Variants in PDE10A observed in about 807,000 individuals in gnomAD.
PDE10A encodes the protein cAMP and cAMP-inhibited cGMP 3',5'-cyclic phosphodiesterase 10A.
A neutral mutation model predicts 97.7 loss-of-function variants in PDE10A; 39 were observed. That is an observed-to-expected ratio of 0.40 (90% CI 0.31 to 0.52). The LOEUF (loss-of-function observed/expected upper bound fraction) is 0.52, where lower values mean the gene tolerates loss of function less well. PDE10A is among the 20% of genes least tolerant of loss of function. The pLI is 0.56. For synonymous variants in PDE10A, 371 were observed against 376.8 expected, an observed-to-expected ratio of 0.98 and a Z score of 0.18; for missense variants, 731 against 1,047.8, an observed-to-expected ratio of 0.70 and a Z score of 4.17.
chr6:165,397,160 G>C (rs1170579769), intron 13 of PDE10A, among the ~76,000 whole-genome samples: 1 of 152,126 alleles, frequency 6.6e-6, no homozygotes, highest in African/African-American at 2.4e-5. Flanking sequence ...GTATCTGTGT[G>C]CAAATGTTTT....
intron 1 of PDE10A, among the ~76,000 whole-genome samples, chr6:165,965,485 G>A (rs184401267): frequency 9.9e-5 from 15 of 152,198 alleles, no homozygotes; most frequent in African/African-American, 3.6e-4. Context: ...CCACAATTCT[G>A]TCAAAATGAG....
intron 1 of PDE10A, among the ~76,000 whole-genome samples, chr6:165,877,520 T>C (rs1264188428): frequency 6.6e-6 from 1 of 152,208 alleles, no homozygotes; most frequent in East Asian, 1.9e-4. Context: ...TTTTGATTAA[T>C]TGACAAAAAA....
intron 1 of PDE10A, among the ~76,000 whole-genome samples, chr6:165,601,291 G>A (rs772507745): frequency 3.9e-5 from 6 of 152,102 alleles, no homozygotes; most frequent in Non-Finnish European, 8.8e-5. Flanking sequence ...TCCCAGTCTC[G>A]GGTATGTCTT....
At chr6:165,710,365 G>A (rs538636048) in intron 1 of PDE10A, among the ~76,000 whole-genome samples, 6 of 152,278 alleles carry the variant, frequency 3.9e-5, no homozygotes, top group South Asian at 2.1e-4. Flanking sequence ...CTTGCGTAGC[G>A]CTCTCACCTA....
chr6:165,723,992 G>C (rs1339742410), intron 1 of PDE10A, among the ~76,000 whole-genome samples: 1 of 152,164 alleles, frequency 6.6e-6, no homozygotes, highest in South Asian at 2.1e-4. Context: ...CACAATCAGG[G>C]CTACTCCAGA....
chr6:165,379,298 G>A lies in PDE10A; in HGVS notation c.2679C>T (p.Arg893=). ...CAAGGTCTGTGGCAATGATGGCTTT[G>A]CGGATGATCTCAAGCACCTGCTCAT... The part of the protein sequence containing the change: ...SEYEQVLEII[R]KAIIATDLAL... The change falls in exon 18 of 22, where the codon CGC becomes CGT. Residue 893 remains arginine (R), a synonymous_variant. Coordinates refer to ENST00000539869, the MANE Select transcript of PDE10A (RefSeq NM_001385079.1). The A allele has an allele frequency of 6.2e-7, 1 of 1,613,708 alleles. No individual in the cohort carries two copies.
intron 1 of PDE10A, among the ~76,000 whole-genome samples, chr6:165,885,854 A>G (rs1473066392): frequency 6.6e-6 from 1 of 152,360 alleles, no homozygotes; most frequent in Middle Eastern, 3.4e-3. Context: ...TTGGAAGGGA[A>G]GACAGAAAGT....
chr6:165,874,471 C>T (rs2500468), intron 1 of PDE10A, among the ~76,000 whole-genome samples: 29,473 of 152,096 alleles, frequency 0.19, 3,208 homozygotes, highest in East Asian at 0.28. Flanking sequence ...ATTTATTCTA[C>T]GAATTTATTT....
intron 1 of PDE10A, among the ~76,000 whole-genome samples, chr6:165,548,624 A>G (rs1015703042): frequency 2.0e-5 from 3 of 152,164 alleles, no homozygotes; most frequent in Non-Finnish European, 4.4e-5. Flanking sequence ...GTTACTGCAC[A>G]CTTCTGTCAG....
intron 18 of PDE10A, among the ~76,000 whole-genome samples, chr6:165,375,625 G>A (rs1784562704): frequency 6.6e-6 from 1 of 152,152 alleles, no homozygotes; most frequent in African/African-American, 2.4e-5. Context: ...CAGATTTTCA[G>A]TATAGACAAA....
chr6:165,981,480 T>C (rs1583393210), intron 1 of PDE10A, among the ~76,000 whole-genome samples: 1 of 152,194 alleles, frequency 6.6e-6, no homozygotes, highest in Non-Finnish European at 1.5e-5. Context: ...GGTGACTTTG[T>C]CTTTCAGATG....
intron 17 of PDE10A, among the ~76,000 whole-genome samples, chr6:165,385,772 G>C (rs964415003): frequency 1.3e-5 from 2 of 152,160 alleles, no homozygotes; most frequent in Non-Finnish European, 2.9e-5. Flanking sequence ...ATGTAGATTG[G>C]GTTGTCTGTT....
chr6:165,763,626 A>T (rs1057371243), intron 1 of PDE10A, among the ~76,000 whole-genome samples: 4 of 152,160 alleles, frequency 2.6e-5, no homozygotes, highest in Admixed American at 1.3e-4. Flanking sequence ...CCCAGCCTTG[A>T]GATTCTGTTT....
At position 165,982,768 on chromosome 6, in the gene PDE10A, TCAAAGAGTCCTCC is replaced by T. The variant is rs373605520; in HGVS notation, c.-615+4748_-615+4760del. 7.4e-3 allele frequency among the ~76,000 whole-genome samples: 1,100 copies of T among 147,654 alleles called. 13 individuals carry two copies. The highest frequency in any genetic ancestry group is 0.026 in the African/African-American group (1,057 of 40,998). On this transcript the variant is annotated intron_variant, in intron 1 of 19. Coordinates refer to the PDE10A transcript ENST00000366882. ...TAAATACAACTATTCGGGGTTTTCA[TCAAAGAGTCCTCC>T]CATACAGCTTTCCACATGTCCATTC...
intron 1 of PDE10A, among the ~76,000 whole-genome samples, chr6:165,586,048 A>C (rs1298227792): frequency 3.3e-5 from 5 of 152,144 alleles, no homozygotes; most frequent in African/African-American, 1.2e-4. Flanking sequence ...GTCAATCACT[A>C]ATCAATCTTA....
rs370566696 is a variant in PDE10A at position 165,739,787 on chromosome 6, C to A, written c.-614-196219G>T. Among the ~76,000 whole-genome samples the A allele has an allele frequency of 1.1e-4, 16 of 152,142 alleles. 1 individual carries two copies. The highest frequency in any genetic ancestry group is 3.9e-4 in the African/African-American group (16 of 41,520). The stretch of plus-strand genomic sequence containing the variant: ...AGCTAAATGGCAAGAAAACACATAA[C>A]CTGCTTAAAAATAGGCAAAGAATCT... On this transcript the variant is annotated intron_variant, in intron 1 of 19. Coordinates refer to the PDE10A transcript ENST00000366882.
At chr6:165,614,418 G>A (rs914028169) in intron 1 of PDE10A, among the ~76,000 whole-genome samples, 3 of 152,080 alleles carry the variant, frequency 2.0e-5, no homozygotes, top group Non-Finnish European at 2.9e-5. Flanking sequence ...AAGCACACAG[G>A]TATTGATGTC....
At chr6:165,503,352 G>A (rs1781008777) in intron 2 of PDE10A, among the ~76,000 whole-genome samples, 1 of 152,160 alleles carries the variant, frequency 6.6e-6, no homozygotes, top group Admixed American at 6.5e-5. Flanking sequence ...ACATCCACGT[G>A]GAAGAATGCA....
chr6:165,485,976 G>A (rs1022893021), intron 2 of PDE10A, among the ~76,000 whole-genome samples: 3 of 152,224 alleles, frequency 2.0e-5, no homozygotes, highest in African/African-American at 7.2e-5. Context: ...CCTGCCTGCT[G>A]CTAAGGACAT....
Sources: gnomAD v4.1 joint callset for allele counts (sites outside exome capture counted in the v4.1 genomes callset) on GRCh38, gnomAD v4.1.1 for gene constraint, MANE v1.5 for transcripts, NCBI Gene and HGNC (gene_info 2026-07-23, HGNC 2026-07-21) for gene names.